TXNDC11: variants seen among roughly 807,000 people sequenced by gnomAD.
TXNDC11 encodes the protein thioredoxin domain containing 11, also known as thioredoxin domain-containing protein 11.
In TXNDC11, 68 loss-of-function variants were observed where a neutral mutation model predicts 78.0. The ratio of observed to expected loss-of-function variants is 0.87; its 90% CI spans 0.72 to 1.07. TXNDC11 has a LOEUF of 1.07. Ranked by LOEUF, TXNDC11 falls within the 50% of genes least tolerant of loss-of-function variation. The pLI, the probability that TXNDC11 is intolerant of heterozygous loss-of-function variation, is 0.00. For synonymous variants in TXNDC11, 571 were observed against 495.2 expected (o/e 1.15, Z -2.03); for missense variants, 1,389 against 1,221.8 (o/e 1.14, Z -2.04).
chr16:11,741,170 T>G (rs892544023), intron 1 of TXNDC11, among the ~76,000 whole-genome samples: 3 of 152,206 alleles, frequency 2.0e-5, no homozygotes, highest in African/African-American at 7.2e-5. Context: ...ATAATTTATC[T>G]TTCCACTAAA....
At chr16:11,690,248 C>T (rs2050672740) in intron 8 of TXNDC11, among the ~76,000 whole-genome samples, 1 of 152,218 alleles carries the variant, frequency 6.6e-6, no homozygotes, top group South Asian at 2.1e-4. Flanking sequence ...TCAAGGGCAT[C>T]AGCAAATTCC....
intron 10 of TXNDC11, among the ~76,000 whole-genome samples, chr16:11,686,066 C>G (rs1233872744): frequency 1.3e-5 from 2 of 152,156 alleles, no homozygotes; most frequent in African/African-American, 4.8e-5. Flanking sequence ...TCAAGTGATT[C>G]TCCTGCCTCA....
intron 5 of TXNDC11, among the ~76,000 whole-genome samples, chr16:11,705,600 A>G (rs1188060276): frequency 1.3e-5 from 2 of 152,248 alleles, no homozygotes; most frequent in African/African-American, 4.8e-5. Context: ...GCCTGACCCA[A>G]AAGTTAAAAG....
chr16:11,736,386 A>T (rs1019223015), intron 1 of TXNDC11, among the ~76,000 whole-genome samples, 153 bp from the exon 2 acceptor site: 1 of 152,262 alleles, frequency 6.6e-6, no homozygotes, highest in African/African-American at 2.4e-5. Context: ...CATCTGGCTG[A>T]GCAAATGCAA....
intron 5 of TXNDC11, among the ~76,000 whole-genome samples, chr16:11,709,591 T>C (rs8045011): frequency 0.44 from 66,111 of 150,386 alleles, 14,908 homozygotes; most frequent in Middle Eastern, 0.57. Flanking sequence ...CCCGCTACCA[T>C]GCCCGGCTAA....
chr16:11,685,554 C>A (rs1046222378), intron 10 of TXNDC11, among the ~76,000 whole-genome samples: 4 of 150,678 alleles, frequency 2.7e-5, no homozygotes, highest in Admixed American at 6.6e-5. Context: ...GAGGCTGAGG[C>A]AGGAGAATGG....
At chr16:11,685,240 C>CA (rs1176256351) in intron 10 of TXNDC11, among the ~76,000 whole-genome samples, 1 of 152,180 alleles carries the variant, frequency 6.6e-6, no homozygotes, top group East Asian at 1.9e-4. Context: ...CCTGTAGTCC[C>CA]AGCTACTTGG....
intron 5 of TXNDC11, among the ~76,000 whole-genome samples, chr16:11,706,414 G>A (rs1456190350): frequency 6.6e-6 from 1 of 152,228 alleles, no homozygotes; most frequent in Admixed American, 6.5e-5. Context: ...ACAAGGCTGT[G>A]CACACAGGCA....
intron 5 of TXNDC11, among the ~76,000 whole-genome samples, chr16:11,704,024 G>C (rs2051107967): frequency 6.6e-6 from 1 of 152,136 alleles, no homozygotes; most frequent in Admixed American, 6.5e-5. Flanking sequence ...CCCGGGAGGT[G>C]CAGGTTGCAG....
chr16:11,692,262 T>C, intron 7 of TXNDC11, 180 bp from the exon 8 acceptor site: 1 of 558,286 alleles, frequency 1.8e-6, no homozygotes. Flanking sequence ...TCGCTCTGAG[T>C]AGTGTGATGA....
chr16:11,689,799 A>T (rs956767191), intron 8 of TXNDC11, among the ~76,000 whole-genome samples: 1 of 152,230 alleles, frequency 6.6e-6, no homozygotes, highest in East Asian at 1.9e-4. Context: ...CATTTAAAAA[A>T]AAAATGCTTG....
intron 5 of TXNDC11, among the ~76,000 whole-genome samples, chr16:11,710,489 GAACCTGA>G (rs1436298094): frequency 1.3e-5 from 2 of 152,206 alleles, no homozygotes; most frequent in Admixed American, 1.3e-4. Context: ...AACAGATGGG[GAACCTGA>G]AACCTGAAGG....
intron 5 of TXNDC11, among the ~76,000 whole-genome samples, chr16:11,704,009 T>G (rs1018509424): frequency 6.6e-6 from 1 of 152,176 alleles, no homozygotes; most frequent in Non-Finnish European, 1.5e-5. Flanking sequence ...GCAGAATTGC[T>G]TGAACCCGGG....
At chr16:11,725,811 C>A (rs1355147113) in intron 4 of TXNDC11, among the ~76,000 whole-genome samples, 1 of 152,192 alleles carries the variant, frequency 6.6e-6, no homozygotes, top group East Asian at 1.9e-4. Context: ...TAATGGCTTT[C>A]TGTGATGTTT....
At chr16:11,720,518 C>T (rs1229813447) in intron 5 of TXNDC11, among the ~76,000 whole-genome samples, 2 of 150,014 alleles carry the variant, frequency 1.3e-5, no homozygotes, top group Non-Finnish European at 3.0e-5. Context: ...CGGGTTCAAT[C>T]GATTCTCCTG....
At chr16:11,699,716 C>T (rs974411037) in intron 6 of TXNDC11, among the ~76,000 whole-genome samples, 4 of 152,222 alleles carry the variant, frequency 2.6e-5, no homozygotes, top group Non-Finnish European at 2.9e-5. Context: ...CCAAGGGGGG[C>T]GCAGGTTTTA....
At chr16:11,723,569 G>A (rs1214718720) in intron 4 of TXNDC11, among the ~76,000 whole-genome samples, 2 of 151,724 alleles carry the variant, frequency 1.3e-5, no homozygotes, top group Non-Finnish European at 2.9e-5. Context: ...TGGGCAAAAG[G>A]GCAAGACTCC....
chr16:11,725,062 T>G (rs2051835706), intron 4 of TXNDC11, among the ~76,000 whole-genome samples: 1 of 152,180 alleles, frequency 6.6e-6, no homozygotes, highest in South Asian at 2.1e-4. Flanking sequence ...TTAACATGGT[T>G]TGCAAGAAAA....
Position 11,702,394 on chromosome 16 carries a change from G to A in TXNDC11, c.794-1830C>T, listed in dbSNP as rs538532189. The stretch of plus-strand genomic sequence containing the variant: ...ACATCAGTTAAACTACAGGCCAGGC[G>A]CAGGGGCTCATGCTCTTAATCCTAG... On this transcript the variant is annotated intron_variant, in intron 5 of 11. Transcript: ENST00000283033. Among the ~76,000 whole-genome samples the A allele has an allele frequency of 1.7e-3, 263 of 152,280 alleles. 3 individuals carry two copies. Among genetic ancestry groups the A allele is most frequent in the Middle Eastern group, 3.4e-3 (1 of 294 alleles).
Sources: allele counts gnomAD v4.1 joint callset (sites outside exome capture counted in the v4.1 genomes callset), GRCh38; gene constraint gnomAD v4.1.1; transcripts MANE v1.5; gene names NCBI Gene and HGNC (gene_info 2026-07-23, HGNC 2026-07-21).